The following ERC1 variants were observed in gnomAD, a reference collection of about 807,000 sequenced individuals.
ERC1 encodes the protein RAB6 interacting protein 2.
In ERC1, 56 loss-of-function variants were observed where a neutral mutation model predicts 132.0. The ratio of observed to expected loss-of-function variants is 0.42; its 90% CI spans 0.34 to 0.53. The LOEUF is 0.53. Among genes scored for constraint, ERC1 ranks in the 20% least tolerant of loss-of-function variants. ERC1 has a pLI of 0.03. For synonymous variants in ERC1, 478 were observed against 476.1 expected (o/e 1.00, Z -0.05); for missense variants, 1,202 against 1,349.9 (o/e 0.89, Z 1.72).
chr12:1,023,467 C>T (rs760027523), intron 1 of ERC1, among the ~76,000 whole-genome samples: 7 of 151,482 alleles, frequency 4.6e-5, no homozygotes, highest in African/African-American at 9.7e-5. Flanking sequence ...GACCTTGATA[C>T]GGAGTTCAGT....
intron 17 of ERC1, among the ~76,000 whole-genome samples, chr12:1,423,977 A>G (rs1433873115): frequency 6.6e-6 from 1 of 152,112 alleles, no homozygotes; most frequent in Non-Finnish European, 1.5e-5. Flanking sequence ...TGAATATTGA[A>G]TTTTAGTATT....
chr12:1,485,342 T>C (rs544744095), intron 18 of ERC1, among the ~76,000 whole-genome samples: 4 of 150,778 alleles, frequency 2.7e-5, no homozygotes, highest in Non-Finnish European at 5.9e-5. Context: ...GTAGCTGGGA[T>C]TATAGGCGCC....
chr12:1,081,162 A>C (rs771476260), intron 2 of ERC1, among the ~76,000 whole-genome samples: 1 of 152,174 alleles, frequency 6.6e-6, no homozygotes, highest in Non-Finnish European at 1.5e-5. Context: ...TTGCTTCTTC[A>C]TTCCTAAAAA....
In ERC1 at chr12:1,444,711, G is replaced by A. The variant is rs551204433; in HGVS notation, c.3174G>A (p.Ala1058=). ...CCTATAACTTGGACGATGACCAGGC[G>A]GCTTGGGAGAATGAGCTGCAGAAGA... The part of the protein sequence containing the change: ...PASYNLDDDQ[A]AWENELQKMT... Residue 1058 remains alanine, a synonymous_variant, in exon 18 of 19, where the codon GCG becomes GCA. Transcript: ENST00000360905. 3.1e-5 allele frequency: 50 copies of A among 1,614,094 alleles called. No homozygotes were observed. The highest frequency in any genetic ancestry group is 1.6e-4 in the East Asian group (7 of 44,888).
intron 18 of ERC1, among the ~76,000 whole-genome samples, chr12:1,463,121 C>A (rs2093674292): frequency 6.6e-6 from 1 of 152,076 alleles, no homozygotes; most frequent in South Asian, 2.1e-4. Context: ...TTATCCTCTC[C>A]TTGGATTCCT....
chr12:994,887 G>A (rs1187470189), intron 1 of ERC1, among the ~76,000 whole-genome samples: 1 of 152,140 alleles, frequency 6.6e-6, no homozygotes, highest in African/African-American at 2.4e-5. Context: ...ATGAGGTCAG[G>A]GGTTCGAGAC....
Position 1,026,184 on chromosome 12 carries a change from C to G in ERC1, c.-156-1564C>G, listed in dbSNP as rs1966873556. ...AGGCGAATGAGGAGCAAAATTATGT[C>G]TTACATGGCGACAGGCAAGAGAACT... On this transcript the variant is annotated intron_variant, in intron 1 of 18. Transcript: ENST00000360905. Among the ~76,000 whole-genome samples the G allele has an allele frequency of 1.3e-5, 2 of 152,166 alleles. 1 individual carries two copies. Among genetic ancestry groups the G allele is most frequent in the South Asian group, 4.1e-4 (2 of 4,828 alleles).
At chr12:1,121,749 CTATCTCTATCTCTA>C in intron 7 of ERC1, among the ~76,000 whole-genome samples, 1 of 5,892 alleles carries the variant, frequency 1.7e-4, no homozygotes, top group African/African-American at 2.8e-4. Context: ...CTATCTATCT[CTATCTCTATCTCTA>C]TCTATCTCTA....
intron 17 of ERC1, among the ~76,000 whole-genome samples, chr12:1,413,329 C>G (rs1041734402): frequency 3.9e-5 from 6 of 152,102 alleles, no homozygotes; most frequent in Admixed American, 3.3e-4. Flanking sequence ...CTCGGTGGCT[C>G]AAGCCTGTAA....
In ERC1 at chr12:1,440,298, G is replaced by A. The variant is rs1427994307; in HGVS notation, c.3025-4264G>A. On this transcript the variant is annotated intron_variant, in intron 17 of 18. Transcript: ENST00000360905. ...CGGCTCACTGCAAGCTCCGCCTCCT[G>A]GGTTCACGCCATTCTCCTGCCTCAG... is the stretch of plus-strand genomic sequence containing the variant. 5.6e-5 allele frequency among the ~76,000 whole-genome samples: 8 copies of A among 141,976 alleles called. No homozygotes were observed. In the East Asian group the frequency reaches 6.2e-4, roughly 11 times the overall value. 93.1% of individuals were successfully genotyped at this position (141,976 alleles called of 152,430 possible).
intron 15 of ERC1, among the ~76,000 whole-genome samples, chr12:1,362,771 C>T (rs2086258756): frequency 1.3e-5 from 2 of 152,010 alleles, no homozygotes; most frequent in African/African-American, 4.8e-5. Flanking sequence ...AATGAAAAAT[C>T]TTTGGATATG....
Position 1,415,305 on chromosome 12 carries a change from A to G in ERC1, c.3024+7058A>G, listed in dbSNP as rs1022927315. 9.2e-5 allele frequency among the ~76,000 whole-genome samples: 14 copies of G among 152,172 alleles called. 1 individual carries two copies. Among genetic ancestry groups the G allele is most frequent in the Non-Finnish European group, 1.9e-4 (13 of 68,028 alleles). Reference sequence around the variant, plus strand: ...AGGATGGACCTACCAAGGGGCTTAAAAGTTGGTCTTGGTATAAGAACATGC... The same window carrying G: ...AGGATGGACCTACCAAGGGGCTTAAGAGTTGGTCTTGGTATAAGAACATGC... On this transcript the variant is annotated intron_variant, in intron 17 of 18. Transcript: ENST00000360905.
At chr12:1,292,365 G>A (rs1174405835) in intron 15 of ERC1, among the ~76,000 whole-genome samples, 5 of 152,070 alleles carry the variant, frequency 3.3e-5, no homozygotes, top group South Asian at 2.1e-4. Context: ...TGAAACCAAC[G>A]AGTAGAAGTT....
At chr12:1,304,415 C>T (rs1047047527) in intron 15 of ERC1, among the ~76,000 whole-genome samples, 4 of 152,282 alleles carry the variant, frequency 2.6e-5, no homozygotes, top group Middle Eastern at 3.4e-3. Flanking sequence ...GACAGAGTCC[C>T]GTGCCAAGTC....
chr12:1,210,082 A>T (rs1024028786), intron 12 of ERC1, among the ~76,000 whole-genome samples: 4 of 152,240 alleles, frequency 2.6e-5, no homozygotes, highest in Non-Finnish European at 5.9e-5. Context: ...CATATTGAAC[A>T]GTGGAACAAA....
chr12:1,056,305 T>C (rs1438747081), intron 2 of ERC1, among the ~76,000 whole-genome samples: 3 of 152,172 alleles, frequency 2.0e-5, no homozygotes, highest in Non-Finnish European at 4.4e-5. Context: ...GAAGTGTCGT[T>C]GTCTGTCATT....
At position 1,212,327 on chromosome 12, in the gene ERC1, C is replaced by T. The variant is rs143410437; in HGVS notation, c.2351+22275C>T. On this transcript the variant is annotated intron_variant, in intron 12 of 18. Transcript: ENST00000360905. ...GTTCGTAGTTCTTCTCTGCCTAGTA[C>T]TGGATCACCTGCCTAGTAACTTGGA... Among the ~76,000 whole-genome samples, 35 of 152,260 alleles carry T rather than the reference C, an allele frequency of 2.3e-4. 1 individual carries two copies. The East Asian group carries it at 6.8e-3, about 29-fold the overall frequency.
chr12:1,354,063 G>A (rs73038672), intron 15 of ERC1, among the ~76,000 whole-genome samples: 4,790 of 149,708 alleles, frequency 0.032, 82 homozygotes, highest in Middle Eastern at 0.071. Flanking sequence ...TCTTATCTTG[G>A]TGGTCTCGTG....
intron 8 of ERC1, among the ~76,000 whole-genome samples, chr12:1,178,737 TCTC>T (rs757145547): frequency 9.2e-5 from 14 of 152,234 alleles, no homozygotes; most frequent in Admixed American, 4.6e-4. Context: ...GTGATTATAT[TCTC>T]CTGCTTCATT....
Sources: allele counts gnomAD v4.1 joint callset (sites outside exome capture counted in the v4.1 genomes callset), GRCh38; gene constraint gnomAD v4.1.1; transcripts MANE v1.5; gene names NCBI Gene and HGNC (gene_info 2026-07-23, HGNC 2026-07-21).